Variants in DRD3 observed in about 807,000 individuals in gnomAD.
DRD3 encodes dopamine receptor D3, also known as D(3) dopamine receptor.
DRD3 carries 19 observed loss-of-function variants against 36.3 expected under a neutral mutation model. The ratio of observed to expected loss-of-function variants is 0.52; its 90% confidence interval spans 0.36 to 0.77. The LOEUF is 0.77. DRD3 is among the 30% of genes least tolerant of loss of function. DRD3 has a pLI of 0.00. For synonymous variants in DRD3, 195 were observed against 203.7 expected (o/e 0.96, Z 0.36); for missense variants, 465 against 505.3 (o/e 0.92, Z 0.77).
intron 1 of DRD3, among the ~76,000 whole-genome samples, chr3:114,193,210 C>T (rs113508308): frequency 0.037 from 5,558 of 152,082 alleles, 131 homozygotes; most frequent in Admixed American, 0.066. Flanking sequence ...ACCTGGGAGG[C>T]GGAGCTTGGA....
intron 4 of DRD3, among the ~76,000 whole-genome samples, chr3:114,142,847 T>C (rs1242955975): frequency 6.6e-6 from 1 of 152,250 alleles, no homozygotes; most frequent in Non-Finnish European, 1.5e-5. Flanking sequence ...TCCTCCCCTA[T>C]CTAAGCAAAC....
chr3:114,165,192 A>G (rs2077771735), intron 2 of DRD3, among the ~76,000 whole-genome samples: 1 of 152,264 alleles, frequency 6.6e-6, no homozygotes, highest in South Asian at 2.1e-4. Flanking sequence ...GGCAGGTCCA[A>G]AATTCCTATA....
At chr3:114,170,879 G>GT (rs922150348) in intron 2 of DRD3, among the ~76,000 whole-genome samples, 7 of 151,920 alleles carry the variant, frequency 4.6e-5, no homozygotes, top group East Asian at 1.9e-4. Flanking sequence ...GTATACTCAG[G>GT]TTTTTTTAAA....
At chr3:114,176,828 T>G (rs933323540) in intron 1 of DRD3, among the ~76,000 whole-genome samples, 1 of 152,210 alleles carries the variant, frequency 6.6e-6, no homozygotes, top group Non-Finnish European at 1.5e-5. Context: ...TATTGCCTGA[T>G]AAAATTAATA....
intron 1 of DRD3, among the ~76,000 whole-genome samples, chr3:114,194,382 A>C (rs2078026396): frequency 6.6e-6 from 1 of 152,144 alleles, no homozygotes; most frequent in African/African-American, 2.4e-5. Flanking sequence ...TCCTAGGTTC[A>C]GGCGATCCTC....
intron 4 of DRD3, among the ~76,000 whole-genome samples, chr3:114,142,557 A>G (rs2077535395): frequency 2.0e-5 from 3 of 152,204 alleles, no homozygotes; most frequent in African/African-American, 7.2e-5. Flanking sequence ...ATATTTGTGT[A>G]TGGACATGCA....
At chr3:114,180,272 T>C (rs1053505409), upstream of DRD3, among the ~76,000 whole-genome samples, 3 of 152,190 alleles carry the variant, frequency 2.0e-5, no homozygotes, top group Non-Finnish European at 4.4e-5. Flanking sequence ...TCAGTCTTCA[T>C]GATGCCATCT....
chr3:114,157,582 G>T (rs1475198886), intron 3 of DRD3, among the ~76,000 whole-genome samples: 1 of 152,114 alleles, frequency 6.6e-6, no homozygotes, highest in Non-Finnish European at 1.5e-5. Flanking sequence ...CCAGTGTTGT[G>T]CCCTCTGTAG....
intron 5 of DRD3, among the ~76,000 whole-genome samples, chr3:114,134,985 G>A (rs376436723): frequency 6.6e-6 from 1 of 152,066 alleles, no homozygotes; most frequent in African/African-American, 2.4e-5. Flanking sequence ...GTTGTTAAGC[G>A]TAGTCACCCT....
chr3:114,147,340 G>C, intron 4 of DRD3, 75 bp downstream of exon 4: 1 of 1,563,876 alleles, frequency 6.4e-7, no homozygotes, highest in Non-Finnish European at 8.7e-7. Flanking sequence ...TTGCAGGGCT[G>C]AGCACAACTC....
intron 3 of DRD3, among the ~76,000 whole-genome samples, chr3:114,153,056 C>T (rs1024192084): frequency 6.6e-6 from 1 of 152,236 alleles, no homozygotes; most frequent in African/African-American, 2.4e-5. Flanking sequence ...TCCGCTGACC[C>T]CAGCACTGGC....
At chr3:114,138,795 G>C (rs1248035683) in intron 5 of DRD3, among the ~76,000 whole-genome samples, 3 of 152,154 alleles carry the variant, frequency 2.0e-5, no homozygotes, top group Non-Finnish European at 4.4e-5. Context: ...TGCTTTTCTA[G>C]ATTCTAAGCT....
chr3:114,144,314 A>C (rs573395776), intron 4 of DRD3, among the ~76,000 whole-genome samples: 2 of 152,250 alleles, frequency 1.3e-5, no homozygotes, highest in African/African-American at 4.8e-5. Flanking sequence ...TGTTGCACTT[A>C]TTAGTGAAAG....
At chr3:114,173,928 G>A (rs951998590) in intron 1 of DRD3, among the ~76,000 whole-genome samples, 9 of 152,152 alleles carry the variant, frequency 5.9e-5, no homozygotes, top group South Asian at 2.1e-4. Flanking sequence ...TTAGGAGACC[G>A]GCCTAATCAT....
At chr3:114,183,267 C>A (rs2077957643), upstream of DRD3, among the ~76,000 whole-genome samples, 1 of 152,138 alleles carries the variant, frequency 6.6e-6, no homozygotes, top group Non-Finnish European at 1.5e-5. Context: ...TTCTAATTTC[C>A]TCCCATTATG....
intron 6 of DRD3, among the ~76,000 whole-genome samples, chr3:114,129,410 AG>A (rs1376850010): frequency 6.6e-6 from 1 of 152,212 alleles, no homozygotes; most frequent in Non-Finnish European, 1.5e-5. Context: ...AAACTTTTTT[AG>A]GTGAGAAAAC....
chr3:114,197,628 C>T (rs1157442014), intron 1 of DRD3, among the ~76,000 whole-genome samples: 1 of 152,064 alleles, frequency 6.6e-6, no homozygotes, highest in Non-Finnish European at 1.5e-5. Flanking sequence ...GTTTATAGTA[C>T]AAGACATGGG....
chr3:114,198,444 T>C (rs2078048471), intron 1 of DRD3, among the ~76,000 whole-genome samples: 1 of 152,158 alleles, frequency 6.6e-6, no homozygotes, highest in African/African-American at 2.4e-5. Flanking sequence ...GCCTGGTTTA[T>C]AATTTCAATT....
At chr3:114,155,060 T>C (rs1478122810) in intron 3 of DRD3, among the ~76,000 whole-genome samples, 1 of 152,240 alleles carries the variant, frequency 6.6e-6, no homozygotes, top group Non-Finnish European at 1.5e-5. Context: ...TCCTTTTCTT[T>C]CATATCTCTT....
Sources: gnomAD v4.1 joint callset for allele counts (sites outside exome capture counted in the v4.1 genomes callset) on GRCh38, gnomAD v4.1.1 for gene constraint, MANE v1.5 for transcripts, NCBI Gene and HGNC (gene_info 2026-07-23, HGNC 2026-07-21) for gene names.